Variants in PKD1L3 observed in about 807,000 individuals in gnomAD.
PKD1L3 encodes polycystin-1-like protein 3.
PKD1L3 carries 239 observed loss-of-function variants against 184.1 expected under a neutral mutation model. The observed-to-expected ratio is 1.30, with a 90% confidence interval of 1.17 to 1.45. The LOEUF (loss-of-function observed/expected upper bound fraction) is 1.45. Among genes scored for constraint, PKD1L3 ranks in the 40% most tolerant of loss-of-function variants. PKD1L3 has a pLI of 0.00. For missense variants in PKD1L3, 2,660 were observed against 2,067.2 expected (o/e 1.29, Z -5.56); for synonymous variants, 996 against 778.8 (o/e 1.28, Z -4.64).
chr16:71,973,617 A>G, intron 11 of PKD1L3, 100 bp from the exon 12 acceptor site: 1 of 1,105,094 alleles, frequency 9.0e-7, no homozygotes, highest in Non-Finnish European at 1.3e-6. Flanking sequence ...TACAAATGAG[A>G]CCATGATGAA....
chr16:71,989,189 C>T (rs557495652), intron 4 of PKD1L3, among the ~76,000 whole-genome samples: 1 of 152,226 alleles, frequency 6.6e-6, no homozygotes, highest in Non-Finnish European at 1.5e-5. Context: ...CAGTCTCCCT[C>T]TGTCGCCCAA....
chr16:71,997,085 A>G (rs937273530), intron 2 of PKD1L3, among the ~76,000 whole-genome samples: 1 of 151,052 alleles, frequency 6.6e-6, no homozygotes, highest in African/African-American at 2.4e-5. Flanking sequence ...CACCCGGGAG[A>G]GTGGAAACAG....
At chr16:71,952,714 T>C (rs533181988) in intron 18 of PKD1L3, among the ~76,000 whole-genome samples, 180 bp downstream of exon 18, 70 of 150,614 alleles carry the variant, frequency 4.6e-4, no homozygotes, top group African/African-American at 1.6e-3. Context: ...CACATGCCTG[T>C]AGTCCCAGCT....
rs2038145238 is a variant in PKD1L3 at position 71,935,514 on chromosome 16, C to G, written c.4457G>C (p.Cys1486Ser). 1.9e-6 allele frequency: 3 copies of G among 1,551,848 alleles called. No homozygotes were observed. The highest frequency in any genetic ancestry group is 2.7e-5 in the African/African-American group (2 of 73,046). The change falls in exon 26 of 30, where the codon TGT becomes TCT. Residue 1486 changes from cysteine (C) to serine (S), a missense_variant. Cys to Ser is a moderately radical substitution (Grantham distance 112). Coordinates refer to ENST00000620267, the MANE Select transcript of PKD1L3 (RefSeq NM_181536.2). ...LVCYYAFIQG[C>S]QLKQQKWRFF... ...CCTCCACTTCTGCTGTTTCAGCTGA[C>G]AACCCTAAACATAGACAGCACAGTC...
Position 71,978,343 on chromosome 16 carries a change from T to C in PKD1L3, c.1439A>G (p.Asn480Ser), listed in dbSNP as rs1482630371. The C allele has an allele frequency of 6.4e-7, 1 of 1,550,742 alleles. No individual in the cohort carries two copies. The highest frequency in any genetic ancestry group is 1.2e-5 in the South Asian group (1 of 84,056). Residue 480 changes from asparagine to serine, a missense_variant, in exon 10 of 30, where the codon AAC (asparagine) becomes AGC (serine). By Grantham distance (46) the Asn-to-Ser change is conservative. Coordinates refer to ENST00000620267, the MANE Select transcript of PKD1L3 (RefSeq NM_181536.2). ...TCCAATGCTTCCAACAATGTTTCTG[T>C]TGTCCAAATCCTTGAAGGGATTGAA... is the stretch of plus-strand genomic sequence containing the variant. ...LAFNPFKDLD[N>S]RNIVGSIGSV...
At chr16:71,937,231 G>A in intron 25 of PKD1L3, 61 bp downstream of exon 25, 1 of 1,494,084 alleles carries the variant, frequency 6.7e-7, no homozygotes, top group African/African-American at 1.4e-5. Context: ...AATTTTTGTA[G>A]TCTGGTAAAG....
intron 25 of PKD1L3, among the ~76,000 whole-genome samples, chr16:71,936,944 T>C (rs943146341): frequency 5.3e-5 from 8 of 152,308 alleles, no homozygotes; most frequent in Admixed American, 2.6e-4. Context: ...TTAACTGAAT[T>C]CAGGTTTCTG....
chr16:71,976,332 G>A (rs1361240865), intron 11 of PKD1L3, among the ~76,000 whole-genome samples: 1 of 139,014 alleles, frequency 7.2e-6, no homozygotes, highest in Admixed American at 7.5e-5. Context: ...CTTGGCTCAC[G>A]GCAACCTCTG....
At position 71,967,833 on chromosome 16, in the gene PKD1L3, A is replaced by G. The variant is rs979043302; in HGVS notation, c.2286+73T>C. 4.7e-6 allele frequency: 6 copies of G among 1,283,562 alleles called. No homozygotes were observed. The Admixed American group carries it at 1.3e-4, about 27-fold the overall frequency. The allele number at this position is 1,283,562 out of a possible 1,614,324, so 79.5% of individuals were successfully genotyped here. On this transcript the variant is annotated intron_variant, in intron 14 of 29. Coordinates refer to ENST00000620267, the MANE Select transcript of PKD1L3 (RefSeq NM_181536.2). Reference sequence around the variant, plus strand: ...TTTTAAAGTGCTATTGGTTGCCAGGATATCACCAACTCAGAGTGTGTCTCA... The same window carrying G: ...TTTTAAAGTGCTATTGGTTGCCAGGGTATCACCAACTCAGAGTGTGTCTCA...
Position 71,944,701 on chromosome 16 carries a change from G to GTTTTTTTTTTT in PKD1L3, c.3719-532_3719-531insAAAAAAAAAAA, listed in dbSNP as rs200921195. On this transcript the variant is annotated intron_variant, in intron 22 of 29. Coordinates refer to ENST00000620267, the MANE Select transcript of PKD1L3 (RefSeq NM_181536.2). Reference sequence around the variant, plus strand: ...CATAGCAAGACCATATCTGTTTTTTGTTTGTTTTTTTTTTTTGAGACGGAG... The same window carrying GTTTTTTTTTTT: ...CATAGCAAGACCATATCTGTTTTTTGTTTTTTTTTTTTTTGTTTTTTTTTTTTGAGACGGAG... 1.4e-5 allele frequency among the ~76,000 whole-genome samples: 2 copies of GTTTTTTTTTTT among 141,146 alleles called. 1 individual carries two copies. The highest frequency in any genetic ancestry group is 3.1e-5 in the Non-Finnish European group (2 of 65,412). 92.6% of individuals were successfully genotyped at this position (141,146 alleles called of 152,430 possible). A position where few individuals can be genotyped will look rare whatever the true frequency, so the allele number is the denominator to read the frequency against.
intron 5 of PKD1L3, among the ~76,000 whole-genome samples, chr16:71,985,194 GAAAAAC>G (rs953308084): frequency 5.9e-5 from 9 of 151,874 alleles, no homozygotes; most frequent in Non-Finnish European, 8.8e-5. Context: ...GGATTTCCAA[GAAAAAC>G]AAAAACAAAA....
At chr16:71,940,668 T>C (rs1433504939) in intron 24 of PKD1L3, among the ~76,000 whole-genome samples, 1 of 151,702 alleles carries the variant, frequency 6.6e-6, no homozygotes, top group South Asian at 2.1e-4. Context: ...CCTGGCTAAT[T>C]TTTGTATTTT....
rs1221188139 is a variant in PKD1L3 at position 71,930,123 on chromosome 16, C to T, written c.4987G>A (p.Val1663Ile). The T allele has an allele frequency of 4.5e-6, 7 of 1,551,466 alleles. No individual in the cohort carries two copies. Among genetic ancestry groups the T allele is most frequent in the Non-Finnish European group, 2.6e-6 (3 of 1,146,876 alleles). Residue 1663 changes from valine (V) to isoleucine (I), a missense_variant, in exon 29 of 30, where the codon GTA becomes ATA. Coordinates refer to ENST00000620267, the MANE Select transcript of PKD1L3 (RefSeq NM_181536.2). The part of the protein sequence containing the change: ...FLILTSVILM[V>I]LVVINLFVSA... ...ACGAAAAGATTAATTACCACAAGTACCATCAAGATGACACTGGTGAGGATC... is the reference window on the plus strand; with the variant it reads ...ACGAAAAGATTAATTACCACAAGTATCATCAAGATGACACTGGTGAGGATC...
Position 71,935,463 on chromosome 16 carries a change from A to G in PKD1L3, c.4508T>C (p.Leu1503Pro). The G allele has an allele frequency of 3.9e-6, 6 of 1,552,218 alleles. No homozygotes were observed. Among genetic ancestry groups the G allele is most frequent in the Non-Finnish European group, 5.2e-6 (6 of 1,147,088 alleles). ...WRFFTGKRNI[L>P]DTSIILISFI... ...GCTAATGAGGATTATACTTGTGTCC[A>G]GAATGTTTCTTTTCCCAGTGAAGAA... Residue 1503 changes from leucine to proline, a missense_variant, in exon 26 of 30, where the codon CTG becomes CCG. Transcript: ENST00000620267.
Position 71,929,611 on chromosome 16 carries a change from T to G in PKD1L3, c.5126A>C (p.Gln1709Pro), listed in dbSNP as rs2037846470. The change falls in exon 30 of 30, where the codon CAA becomes CCA. Residue 1709 changes from glutamine (Q) to proline (P), a missense_variant. Gln to Pro is a moderately conservative substitution (Grantham distance 76). Transcript: ENST00000620267. ...GGCTGCTTGCTCAGATGAGGTTTTT[T>G]GGGGCCAACTGATTCCTAACAAATT... Reference protein sequence around the residue: ...LSNLLGISWPQKTSSEQAATT... With the variant: ...LSNLLGISWPPKTSSEQAATT... 2.6e-6 allele frequency: 4 copies of G among 1,551,744 alleles called. No homozygotes were observed. Among genetic ancestry groups the G allele is most frequent in the East Asian group, 2.4e-5 (1 of 40,938 alleles).
At chr16:71,990,735 A>C (rs1228856854) in intron 3 of PKD1L3, among the ~76,000 whole-genome samples, 11 of 146,072 alleles carry the variant, frequency 7.5e-5, no homozygotes, top group East Asian at 2.0e-4. Flanking sequence ...TTCCACCCCC[A>C]CCCCCTGCCA....
intron 7 of PKD1L3, 101 bp from the exon 8 acceptor site, chr16:71,980,235 T>C (rs1166541279): frequency 4.3e-6 from 6 of 1,402,656 alleles, no homozygotes; most frequent in South Asian, 2.8e-5. Context: ...TTTCACAGTG[T>C]TGTAATGAAG....
chr16:71,948,092 T>A (rs1418812516), intron 21 of PKD1L3, among the ~76,000 whole-genome samples: 1 of 151,702 alleles, frequency 6.6e-6, no homozygotes, highest in Non-Finnish European at 1.5e-5. Flanking sequence ...TTTATTATTA[T>A]TTTTTTTGAG....
At chr16:71,974,716 TGGAATTG>T (rs2039854174) in intron 11 of PKD1L3, among the ~76,000 whole-genome samples, 2 of 152,190 alleles carry the variant, frequency 1.3e-5, no homozygotes, top group African/African-American at 4.8e-5. Context: ...AGTACACCTT[TGGAATTG>T]GGAAAGGGCC....
Sources: allele counts gnomAD v4.1 joint callset (sites outside exome capture counted in the v4.1 genomes callset), GRCh38; gene constraint gnomAD v4.1.1; transcripts MANE v1.5; gene names NCBI Gene and HGNC (gene_info 2026-07-23, HGNC 2026-07-21).